RAD51B: variants seen among roughly 807,000 people sequenced by gnomAD.
The protein encoded by RAD51B is DNA repair protein RAD51 homolog 2.
Under a neutral mutation model 42.2 loss-of-function variants are expected in RAD51B, and 38 were observed. That is an observed-to-expected ratio of 0.90 (90% confidence interval 0.70 to 1.18). RAD51B has a LOEUF of 1.18. RAD51B is among the 50% of genes most tolerant of loss of function. The pLI, the probability that RAD51B is intolerant of heterozygous loss-of-function variation, is 0.00. For missense variants in RAD51B, 373 were observed against 400.7 expected, an observed-to-expected ratio of 0.93 and a Z score of 0.59; for synonymous variants, 154 against 145.2, an observed-to-expected ratio of 1.06 and a Z score of -0.43.
At chr14:68,437,686 T>C (rs1010039291) in intron 9 of RAD51B, among the ~76,000 whole-genome samples, 27 of 152,156 alleles carry the variant, frequency 1.8e-4, no homozygotes, top group African/African-American at 6.5e-4. Context: ...TCAGTTTCCT[T>C]CTATGAAGAG....
chr14:68,231,623 A>G (rs1315454021), intron 7 of RAD51B, among the ~76,000 whole-genome samples: 2 of 152,206 alleles, frequency 1.3e-5, no homozygotes, highest in Non-Finnish European at 2.9e-5. Context: ...CTTGTGATCT[A>G]CAAATCAATG....
In RAD51B at chr14:68,081,832, C is replaced by T. The variant is rs192290409; in HGVS notation, c.756+194628C>T. 2.2e-3 allele frequency among the ~76,000 whole-genome samples: 332 copies of T among 152,276 alleles called. 4 individuals are homozygous for T. The highest frequency in any genetic ancestry group is 1.0e-3 in the Non-Finnish European group (70 of 68,014). On this transcript the variant is annotated intron_variant, in intron 7 of 10. Transcript: ENST00000471583. Reference sequence around the variant, plus strand: ...GGGTAAATGTTTACAGCTGAAGCCCCAGTGAATGTTGAAGAATACGCTTTG... The same window carrying T: ...GGGTAAATGTTTACAGCTGAAGCCCTAGTGAATGTTGAAGAATACGCTTTG...
chr14:68,494,574 C>A (rs1316960343), intron 10 of RAD51B, among the ~76,000 whole-genome samples: 3 of 152,148 alleles, frequency 2.0e-5, no homozygotes, highest in African/African-American at 7.2e-5. Context: ...TAGATGGGCA[C>A]TTTCTTTCCA....
At chr14:68,295,686 A>G (rs1034913491) in intron 8 of RAD51B, among the ~76,000 whole-genome samples, 3 of 152,044 alleles carry the variant, frequency 2.0e-5, no homozygotes, top group Non-Finnish European at 4.4e-5. Flanking sequence ...TCTGCATCAG[A>G]GCAGAAGGGA....
chr14:67,985,222 A>G (rs1175465238), intron 7 of RAD51B, among the ~76,000 whole-genome samples: 1 of 152,192 alleles, frequency 6.6e-6, no homozygotes, highest in Non-Finnish European at 1.5e-5. Context: ...TTGTCTTCTA[A>G]TACATATATA....
intron 8 of RAD51B, among the ~76,000 whole-genome samples, chr14:68,300,351 A>G (rs1483922205): frequency 1.3e-5 from 2 of 152,004 alleles, no homozygotes; most frequent in Non-Finnish European, 2.9e-5. Context: ...TACTACAGGC[A>G]TGCACCACCA....
chr14:68,608,293 G>A (rs889817124), intron 10 of RAD51B, among the ~76,000 whole-genome samples: 5 of 152,204 alleles, frequency 3.3e-5, no homozygotes, highest in Non-Finnish European at 5.9e-5. Flanking sequence ...AACAAATTGC[G>A]AGTGGGGCGT....
At chr14:68,368,825 G>C (rs1754360618) in intron 8 of RAD51B, among the ~76,000 whole-genome samples, 1 of 152,202 alleles carries the variant, frequency 6.6e-6, no homozygotes, top group Non-Finnish European at 1.5e-5. Context: ...AAATTATAAA[G>C]GAGATTTGCA....
At chr14:68,414,460 T>C (rs2084498547) in intron 9 of RAD51B, among the ~76,000 whole-genome samples, 1 of 152,148 alleles carries the variant, frequency 6.6e-6, no homozygotes, top group South Asian at 2.1e-4. Flanking sequence ...CCTCTCCTAC[T>C]TTTTGTAGTT....
chr14:68,469,818 G>A (rs2086076366), intron 10 of RAD51B, among the ~76,000 whole-genome samples: 1 of 152,192 alleles, frequency 6.6e-6, no homozygotes, highest in African/African-American at 2.4e-5. Flanking sequence ...AGTTTGTTCT[G>A]CTCAGATGAC....
intron 7 of RAD51B, among the ~76,000 whole-genome samples, chr14:68,234,535 T>G (rs2080208363): frequency 6.6e-6 from 1 of 152,236 alleles, no homozygotes; most frequent in Non-Finnish European, 1.5e-5. Flanking sequence ...TACAGCCTGT[T>G]ATTCCTGGGC....
At chr14:68,067,809 A>G (rs558388554) in intron 7 of RAD51B, among the ~76,000 whole-genome samples, 1 of 151,746 alleles carries the variant, frequency 6.6e-6, no homozygotes, top group Admixed American at 6.6e-5. Context: ...GTATGCACCT[A>G]CAGTCCTAGC....
intron 7 of RAD51B, among the ~76,000 whole-genome samples, chr14:67,996,141 A>G (rs1335794245): frequency 4.0e-5 from 6 of 151,236 alleles, no homozygotes; most frequent in Non-Finnish European, 8.8e-5. Context: ...CATGCCTGTA[A>G]TCCCAGCACT....
Position 68,565,517 on chromosome 14 carries a change from T to C in RAD51B, c.1037-28968T>C, listed in dbSNP as rs1247159239. On this transcript the variant is annotated intron_variant, in intron 10 of 10. Transcript: ENST00000487270. This position sits in a 1 kb window ranked among gnomAD's most constrained non-coding sequence, Gnocchi z 4.1. ...AAAAAAAAGAAGTTCTTTCTTACAT[T>C]GAGGTGGAATCTGCCACTCCATGAC... 6.6e-6 allele frequency among the ~76,000 whole-genome samples: 1 copy of C among 152,134 alleles called. No individual in the cohort carries two copies. Among genetic ancestry groups the C allele is most frequent in the Non-Finnish European group, 1.5e-5 (1 of 68,032 alleles).
At chr14:68,103,153 G>A (rs2077320319) in intron 7 of RAD51B, among the ~76,000 whole-genome samples, 1 of 152,136 alleles carries the variant, frequency 6.6e-6, no homozygotes, top group Non-Finnish European at 1.5e-5. Context: ...TGGGCACACA[G>A]CCAAACCAGT....
At chr14:68,495,532 G>T (rs960792302) in intron 10 of RAD51B, among the ~76,000 whole-genome samples, 1 of 152,302 alleles carries the variant, frequency 6.6e-6, no homozygotes, top group South Asian at 2.1e-4. Flanking sequence ...ATGCTCTAGC[G>T]GAGGAAGCAG....
At chr14:68,238,295 T>A (rs569138355) in intron 7 of RAD51B, among the ~76,000 whole-genome samples, 108 of 152,240 alleles carry the variant, frequency 7.1e-4, no homozygotes, top group African/African-American at 2.0e-3. Flanking sequence ...AGTTTAGTTT[T>A]GTTTTGTTGT....
intron 7 of RAD51B, among the ~76,000 whole-genome samples, chr14:67,960,497 G>T (rs1566979334): frequency 6.6e-6 from 1 of 152,120 alleles, no homozygotes; most frequent in Non-Finnish European, 1.5e-5. Context: ...CTAGGACCCT[G>T]TCCCAAGATT....
intron 8 of RAD51B, among the ~76,000 whole-genome samples, chr14:68,359,549 G>T (rs138775188): frequency 6.6e-6 from 1 of 152,164 alleles, no homozygotes; most frequent in Non-Finnish European, 1.5e-5. Flanking sequence ...ATCACAGCGC[G>T]TGGGTACTGG....
Sources: gnomAD v4.1 joint callset for allele counts (sites outside exome capture counted in the v4.1 genomes callset) on GRCh38, gnomAD v4.1.1 for gene constraint, Gnocchi (gnomAD v3.1) non-coding constraint, MANE v1.5 for transcripts, NCBI Gene and HGNC (gene_info 2026-07-23, HGNC 2026-07-21) for gene names.